The following AGO3 variants were observed in gnomAD, a reference collection of about 807,000 sequenced individuals.
AGO3 encodes the protein protein argonaute-3.
In AGO3, 16 loss-of-function variants were observed where a neutral mutation model predicts 105.5. The ratio of observed to expected loss-of-function variants is 0.15; its 90% CI spans 0.10 to 0.23. AGO3 has a LOEUF of 0.23. Ranked by LOEUF, AGO3 falls within the 10% of genes least tolerant of loss-of-function variation. AGO3 has a pLI of 1.00. For synonymous variants in AGO3, 340 were observed against 367.3 expected (o/e 0.93, Z 0.85); for missense variants, 534 against 1,088.0 (o/e 0.49, Z 7.16).
intron 5 of AGO3, chr1:35,984,600 T>C (rs959516971): frequency 1.3e-5 from 2 of 152,190 alleles, no homozygotes; most frequent in African/African-American, 2.4e-5. Flanking sequence ...TCCCCTATAA[T>C]AGCATGTATC....
At chr1:35,975,724 GTTTAGA>G (rs962968309) in intron 5 of AGO3, among the ~76,000 whole-genome samples, 1 of 151,992 alleles carries the variant, frequency 6.6e-6, no homozygotes, top group Non-Finnish European at 1.5e-5. Flanking sequence ...GAAATTCCTT[GTTTAGA>G]TCCAGTGAGT....
Position 36,003,000 on chromosome 1 carries a change from G to C in AGO3, c.659-1341G>C, listed in dbSNP as rs183842790. On this transcript the variant is annotated intron_variant, in intron 5 of 18. Coordinates refer to ENST00000373191, the MANE Select transcript of AGO3 (RefSeq NM_024852.4). ...GCAGGAGAATTGCTTGAACCTGGGAGGGGGAGGTTGCAGTGAGCCGAGATC... is the reference window on the plus strand; with the variant it reads ...GCAGGAGAATTGCTTGAACCTGGGACGGGGAGGTTGCAGTGAGCCGAGATC... Among the ~76,000 whole-genome samples, 1,248 of 152,232 alleles carry C rather than the reference G, an allele frequency of 8.2e-3. 27 individuals carry two copies. Among genetic ancestry groups the C allele is most frequent in the African/African-American group, 0.027 (1,121 of 41,544 alleles).
intron 5 of AGO3, among the ~76,000 whole-genome samples, chr1:35,979,730 T>C (rs931313794): frequency 6.6e-6 from 1 of 152,216 alleles, no homozygotes; most frequent in East Asian, 1.9e-4. Context: ...TAAGTGACTT[T>C]CTTTTTGTAC....
At chr1:36,044,182 A>C (rs1569920362) in intron 17 of AGO3, among the ~76,000 whole-genome samples, 1 of 151,964 alleles carries the variant, frequency 6.6e-6, no homozygotes, top group Non-Finnish European at 1.5e-5. Flanking sequence ...CCGTCTCTAC[A>C]AAAAATATAA....
intron 5 of AGO3, among the ~76,000 whole-genome samples, chr1:35,975,818 G>A (rs980464527): frequency 2.0e-5 from 3 of 151,780 alleles, no homozygotes; most frequent in African/African-American, 4.8e-5. Context: ...GCATATTTAA[G>A]GTGTTGTCTT....
chr1:35,939,408 T>C (rs1646212223), intron 1 of AGO3, among the ~76,000 whole-genome samples: 1 of 152,052 alleles, frequency 6.6e-6, no homozygotes, highest in African/African-American at 2.4e-5. Context: ...GTAAAAAACA[T>C]GGGTTTTAGA....
At chr1:36,015,319 G>A (rs181863285) in intron 11 of AGO3, among the ~76,000 whole-genome samples, 1 of 152,298 alleles carries the variant, frequency 6.6e-6, no homozygotes, top group East Asian at 1.9e-4. Context: ...TGCCATCCCT[G>A]GGTACACCAC....
At chr1:35,995,675 G>A (rs1265186452) in intron 5 of AGO3, among the ~76,000 whole-genome samples, 1 of 152,090 alleles carries the variant, frequency 6.6e-6, no homozygotes, top group Non-Finnish European at 1.5e-5. Flanking sequence ...TCTTGGACGA[G>A]GCAAAGATTT....
In AGO3 at chr1:35,941,848, G is replaced by A. The variant is rs552231527; in HGVS notation, c.20-3844G>A. 2.6e-4 allele frequency among the ~76,000 whole-genome samples: 39 copies of A among 152,268 alleles called. 1 individual carries two copies. Among genetic ancestry groups the A allele is most frequent in the African/African-American group, 8.7e-4 (36 of 41,568 alleles). ...TCTCTACCAGAAATACAAAAACTTA[G>A]CCCTGCATGGTGTAAAATAAAAGCA... On this transcript the variant is annotated intron_variant, in intron 1 of 18. Transcript: ENST00000373191.
chr1:35,995,209 AATATATATAT>A (rs748081363), intron 5 of AGO3, among the ~76,000 whole-genome samples: 2 of 114,740 alleles, frequency 1.7e-5, no homozygotes, highest in South Asian at 2.7e-4. Context: ...TAAAAAAAAA[AATATATATAT>A]ATATATATAT....
chr1:36,048,400 CACCACTA>C (rs991550435), intron 17 of AGO3, among the ~76,000 whole-genome samples: 1 of 151,974 alleles, frequency 6.6e-6, no homozygotes, highest in African/African-American at 2.4e-5. Flanking sequence ...GGACATTTAT[CACCACTA>C]GATTCGACCT....
chr1:36,024,925 T>TGA (rs1365574851), intron 11 of AGO3, among the ~76,000 whole-genome samples: 3 of 152,202 alleles, frequency 2.0e-5, no homozygotes, highest in Non-Finnish European at 4.4e-5. Context: ...CTGTTTCCAC[T>TGA]CATGCTGCCC....
chr1:36,047,000 T>G (rs1218588557), intron 17 of AGO3, among the ~76,000 whole-genome samples: 1 of 152,110 alleles, frequency 6.6e-6, no homozygotes, highest in Non-Finnish European at 1.5e-5. Context: ...ATCTCATTAC[T>G]TTGGGAGGCC....
intron 5 of AGO3, among the ~76,000 whole-genome samples, chr1:35,974,981 T>C (rs1178898634): frequency 6.6e-6 from 1 of 152,184 alleles, no homozygotes; most frequent in Non-Finnish European, 1.5e-5. Flanking sequence ...GCACCTACCA[T>C]TGTGTAATAT....
At position 35,957,912 on chromosome 1, in the gene AGO3, A is replaced by G. The variant is rs139623958; in HGVS notation, c.192-9043A>G. On this transcript the variant is annotated intron_variant, in intron 2 of 18. Coordinates refer to ENST00000373191, the MANE Select transcript of AGO3 (RefSeq NM_024852.4). ...GAGACCCCTTCTGTATGAAAAATTT[A>G]AAGATTAGCCAGGTATAATGGTGTA... 2.4e-3 allele frequency among the ~76,000 whole-genome samples: 363 copies of G among 152,092 alleles called. 2 individuals are homozygous for G. Among genetic ancestry groups the G allele is most frequent in the African/African-American group, 8.2e-3 (338 of 41,466 alleles).
intron 1 of AGO3, among the ~76,000 whole-genome samples, chr1:35,940,017 C>T (rs187387802): frequency 1.3e-5 from 2 of 152,078 alleles, no homozygotes; most frequent in African/African-American, 4.8e-5. Flanking sequence ...AATCATTGTT[C>T]AAATTTTTAC....
intron 1 of AGO3, among the ~76,000 whole-genome samples, chr1:35,944,427 C>T (rs1235079179): frequency 2.0e-5 from 3 of 151,744 alleles, no homozygotes; most frequent in Non-Finnish European, 4.4e-5. Context: ...AATTTATTGA[C>T]ACAATGTAAT....
chr1:35,948,448 G>A (rs908202101), intron 2 of AGO3, among the ~76,000 whole-genome samples: 8 of 151,804 alleles, frequency 5.3e-5, no homozygotes, highest in Non-Finnish European at 8.8e-5. Context: ...TTGAACTCCT[G>A]ACCTTGTGGT....
At chr1:36,023,843 C>G (rs1641362382) in intron 11 of AGO3, among the ~76,000 whole-genome samples, 2 of 152,172 alleles carry the variant, frequency 1.3e-5, no homozygotes, top group Admixed American at 6.5e-5. Context: ...CTCCTTGTTT[C>G]AGTTTCCTTA....
Sources: allele counts gnomAD v4.1 joint callset (sites outside exome capture counted in the v4.1 genomes callset), GRCh38; gene constraint gnomAD v4.1.1; transcripts MANE v1.5; gene names NCBI Gene and HGNC (gene_info 2026-07-23, HGNC 2026-07-21).